Variants in NEBL observed in about 807,000 individuals in gnomAD.
NEBL encodes nebulette, also known as LIM and SH3 protein 2.
A neutral mutation model predicts 140.2 loss-of-function variants in NEBL; 122 were observed. The observed-to-expected ratio is 0.87, with a 90% CI of 0.75 to 1.01. The LOEUF (loss-of-function observed/expected upper bound fraction) is 1.01, where lower values mean the gene tolerates loss of function less well. NEBL is among the 50% of genes least tolerant of loss of function. The pLI, the probability that NEBL is intolerant of heterozygous loss-of-function variation, is 0.00. For synonymous variants in NEBL, 436 were observed against 398.9 expected (o/e 1.09, Z -1.11); for missense variants, 1,365 against 1,231.3 (o/e 1.11, Z -1.62).
At chr10:21,162,427 A>C (rs1333285369) in intron 2 of NEBL, among the ~76,000 whole-genome samples, 2 of 152,120 alleles carry the variant, frequency 1.3e-5, no homozygotes, top group Non-Finnish European at 2.9e-5. Flanking sequence ...CCTGGGCTTG[A>C]AGTGAGAGCA....
intron 2 of NEBL, among the ~76,000 whole-genome samples, chr10:21,135,524 G>A (rs575342944): frequency 3.3e-5 from 5 of 152,114 alleles, no homozygotes; most frequent in South Asian, 4.2e-4. Context: ...GCCAGGTGAC[G>A]CTGCCAACAA....
At chr10:20,927,124 A>G (rs1833950665) in intron 4 of NEBL, among the ~76,000 whole-genome samples, 1 of 152,202 alleles carries the variant, frequency 6.6e-6, no homozygotes. Context: ...GAGGATAACT[A>G]AGTTTCTACT....
At chr10:20,852,468 C>T (rs1842636923) in intron 10 of NEBL, 77 bp downstream of exon 10, 15 of 896,628 alleles carry the variant, frequency 1.7e-5, no homozygotes, top group South Asian at 1.6e-4. Flanking sequence ...TTAAGACGCA[C>T]GGCAGTGAGC....
Position 21,275,807 on chromosome 10 carries a change from A to ATT in NEBL, n.182+17021_182+17022dup, listed in dbSNP as rs959684198. Among the ~76,000 whole-genome samples, 932 of 113,770 alleles carry ATT rather than the reference A, an allele frequency of 8.2e-3. 10 individuals carry two copies. Among genetic ancestry groups the ATT allele is most frequent in the African/African-American group, 0.017 (487 of 28,596 alleles). The allele number at this position is 113,770 out of a possible 152,430, so 74.6% of individuals were successfully genotyped here. A position where few individuals can be genotyped will look rare whatever the true frequency, so the allele number is the denominator to read the frequency against. ...AGGCAAGTGCCACCACACCCAGCTAATTTTTTTTTTTTTTTTTTTTTTGTA... is the reference window on the plus strand; with the variant it reads ...AGGCAAGTGCCACCACACCCAGCTAATTTTTTTTTTTTTTTTTTTTTTTTGTA... On this transcript the variant is annotated intron_variant and non_coding_transcript_variant, in intron 1 of 8. Transcript: ENST00000675702.
chr10:21,063,395 G>C (rs1835388138), intron 2 of NEBL, among the ~76,000 whole-genome samples: 1 of 152,110 alleles, frequency 6.6e-6, no homozygotes. Context: ...TAATAGTCAC[G>C]AGATGCCTAC....
intron 2 of NEBL, among the ~76,000 whole-genome samples, chr10:21,073,382 CA>C (rs1230364411): frequency 1.3e-5 from 2 of 151,556 alleles, no homozygotes; most frequent in African/African-American, 4.8e-5. Flanking sequence ...TTTGGGAGGC[CA>C]AGGCAGGTGG....
Position 21,184,530 on chromosome 10 carries a change from G to A in NEBL, n.349-12053C>T, listed in dbSNP as rs542957695. Among the ~76,000 whole-genome samples the A allele has an allele frequency of 3.3e-5, 5 of 152,286 alleles. 1 individual carries two copies. In the East Asian group the frequency reaches 5.8e-4, roughly 18 times the overall value. ...ATGAGTAATATTAATTAAGTGAAAT[G>A]AATGAACCTGGCTTCATGGCGATGG... On this transcript the variant is annotated intron_variant and non_coding_transcript_variant, in intron 3 of 8. Transcript: ENST00000675702.
chr10:21,282,842 A>T (rs983036629), intron 1 of NEBL, among the ~76,000 whole-genome samples: 1 of 152,134 alleles, frequency 6.6e-6, no homozygotes, highest in African/African-American at 2.4e-5. Flanking sequence ...AGGTTGCAAT[A>T]GGCAGGGCGC....
At chr10:20,908,274 T>G (rs1848185668) in intron 4 of NEBL, among the ~76,000 whole-genome samples, 1 of 152,246 alleles carries the variant, frequency 6.6e-6, no homozygotes, top group South Asian at 2.1e-4. Flanking sequence ...CATAGGGCAG[T>G]AGAACATTGA....
chr10:21,040,576 T>C (rs1211563121), intron 2 of NEBL, among the ~76,000 whole-genome samples: 2 of 152,142 alleles, frequency 1.3e-5, no homozygotes, highest in South Asian at 2.1e-4. Flanking sequence ...ACTCACTCAT[T>C]ACCATGGGGA....
At chr10:20,894,558 G>C (rs1315717898) in intron 2 of NEBL, among the ~76,000 whole-genome samples, 1 of 151,902 alleles carries the variant, frequency 6.6e-6, no homozygotes. Context: ...AATTAAATAA[G>C]TATCTTAGCA....
At chr10:21,283,206 A>G (rs528698595) in intron 1 of NEBL, among the ~76,000 whole-genome samples, 2 of 152,016 alleles carry the variant, frequency 1.3e-5, no homozygotes, top group African/African-American at 4.8e-5. Flanking sequence ...TGGCAACAAG[A>G]GTGACCTCTG....
chr10:20,937,908 G>A (rs550610179), intron 4 of NEBL, among the ~76,000 whole-genome samples: 17 of 152,296 alleles, frequency 1.1e-4, no homozygotes, highest in Non-Finnish European at 2.4e-4. Context: ...GCCCGCCATT[G>A]CCCAGGCTTG....
intron 2 of NEBL, among the ~76,000 whole-genome samples, chr10:21,100,365 G>A (rs1837421140): frequency 6.6e-6 from 1 of 152,184 alleles, no homozygotes; most frequent in South Asian, 2.1e-4. Context: ...GCTGAAAAAT[G>A]AGGAGCTCAC....
intron 2 of NEBL, among the ~76,000 whole-genome samples, chr10:21,054,493 C>T (rs1425501883): frequency 2.6e-5 from 4 of 152,068 alleles, no homozygotes; most frequent in Admixed American, 2.0e-4. Context: ...GGACAGGCAT[C>T]GGGGAATTGT....
intron 2 of NEBL, among the ~76,000 whole-genome samples, chr10:21,076,444 C>CAAAAAAAAAAAA (rs56013237): frequency 2.0e-5 from 1 of 50,046 alleles, no homozygotes. Flanking sequence ...GACTCAGTTT[C>CAAAAAAAAAAAA]AAAAAAAAAA....
chr10:21,078,458 T>A (rs1250840914), intron 2 of NEBL, among the ~76,000 whole-genome samples: 2 of 152,286 alleles, frequency 1.3e-5, no homozygotes, highest in African/African-American at 4.8e-5. Context: ...GAGTCGTGTA[T>A]GTTGTCTATG....
At chr10:21,280,774 A>G (rs1588596065) in intron 1 of NEBL, among the ~76,000 whole-genome samples, 1 of 151,458 alleles carries the variant, frequency 6.6e-6, no homozygotes, top group Admixed American at 6.6e-5. Context: ...ACCATCGCGC[A>G]TGGCTAATTG....
At chr10:21,127,526 A>G (rs916732539) in intron 2 of NEBL, among the ~76,000 whole-genome samples, 2 of 152,124 alleles carry the variant, frequency 1.3e-5, no homozygotes, top group African/African-American at 4.8e-5. Flanking sequence ...GATATACTGG[A>G]AAGTACATAG....
Sources: allele counts gnomAD v4.1 joint callset (sites outside exome capture counted in the v4.1 genomes callset), GRCh38; gene constraint gnomAD v4.1.1; transcripts MANE v1.5; gene names NCBI Gene and HGNC (gene_info 2026-07-23, HGNC 2026-07-21).